SLC4A4: variants seen among roughly 807,000 people sequenced by gnomAD.
The protein encoded by SLC4A4 is solute carrier family 4 member 4, also known as electrogenic sodium bicarbonate cotransporter 1.
In SLC4A4, 27 loss-of-function variants were observed where a neutral mutation model predicts 111.5. The ratio of observed to expected loss-of-function variants is 0.24; its 90% CI spans 0.18 to 0.33. The LOEUF (loss-of-function observed/expected upper bound fraction) is 0.33, where lower values mean the gene tolerates loss of function less well. Among genes scored for constraint, SLC4A4 ranks in the 10% least tolerant of loss-of-function variants. SLC4A4 has a pLI of 1.00. For missense variants in SLC4A4, 909 were observed against 1,315.5 expected, an observed-to-expected ratio of 0.69 and a Z score of 4.78; for synonymous variants, 443 against 463.4, an observed-to-expected ratio of 0.96 and a Z score of 0.57.
intron 2 of SLC4A4, among the ~76,000 whole-genome samples, chr4:71,109,841 C>T (rs1483005882): frequency 6.6e-6 from 1 of 152,108 alleles, no homozygotes; most frequent in Non-Finnish European, 1.5e-5. Context: ...CCACACCCGG[C>T]AATTTTTCTA....
rs548628434 is a variant in SLC4A4 at position 71,425,343 on chromosome 4, A to G, written c.808-15273A>G. On this transcript the variant is annotated intron_variant, in intron 7 of 25. Coordinates refer to ENST00000264485, the MANE Select transcript of SLC4A4 (RefSeq NM_001098484.3). The stretch of plus-strand genomic sequence containing the variant: ...TGCTTCAGAATAGCCTCGCAGCAAA[A>G]CAGGCTGGTGGTTGTACTAGGCTTG... Among the ~76,000 whole-genome samples, 7 of 152,246 alleles carry G rather than the reference A, an allele frequency of 4.6e-5. No homozygotes were observed. In the South Asian group the frequency reaches 1.5e-3, roughly 32 times the overall value.
chr4:71,205,790 A>G (rs971396161), intron 1 of SLC4A4, among the ~76,000 whole-genome samples: 2 of 152,082 alleles, frequency 1.3e-5, no homozygotes, highest in African/African-American at 4.8e-5. Context: ...CAGAAAGATC[A>G]GAAAGTGCAA....
intron 6 of SLC4A4, among the ~76,000 whole-genome samples, chr4:71,359,305 A>G (rs957887931): frequency 6.6e-6 from 1 of 152,216 alleles, no homozygotes; most frequent in Non-Finnish European, 1.5e-5. Context: ...TAGGAAGGGT[A>G]TGCAGTTCTT....
At chr4:71,424,838 T>C (rs1214488917) in intron 7 of SLC4A4, among the ~76,000 whole-genome samples, 1 of 151,802 alleles carries the variant, frequency 6.6e-6, no homozygotes, top group Non-Finnish European at 1.5e-5. Context: ...GTGGGGACTG[T>C]TGTGGAGTGG....
At chr4:71,361,921 T>A (rs924315793) in intron 6 of SLC4A4, among the ~76,000 whole-genome samples, 1 of 152,218 alleles carries the variant, frequency 6.6e-6, no homozygotes, top group Admixed American at 6.5e-5. Flanking sequence ...AACAACTGCA[T>A]TTTAAAAAGT....
intron 1 of SLC4A4, among the ~76,000 whole-genome samples, chr4:71,068,722 C>G (rs1429100540): frequency 6.6e-6 from 1 of 152,008 alleles, no homozygotes; most frequent in Non-Finnish European, 1.5e-5. Context: ...CCACCACACC[C>G]AGCTAATTTT....
chr4:71,442,473 T>C (rs1488179537), intron 8 of SLC4A4, among the ~76,000 whole-genome samples: 4 of 152,204 alleles, frequency 2.6e-5, no homozygotes, highest in Non-Finnish European at 5.9e-5. Context: ...TCCTCTGAAC[T>C]AGTACAAGCC....
intron 19 of SLC4A4, 52 bp from the exon 20 acceptor site, chr4:71,547,596 G>A: frequency 1.4e-6 from 2 of 1,415,636 alleles, no homozygotes; most frequent in East Asian, 2.3e-5. Context: ...AAAGACAAGA[G>A]CATGTTTATG....
intron 6 of SLC4A4, among the ~76,000 whole-genome samples, chr4:71,391,659 A>T (rs1719283099): frequency 6.6e-6 from 1 of 152,098 alleles, no homozygotes; most frequent in Non-Finnish European, 1.5e-5. Context: ...TCTTATGGCC[A>T]GAAAATAGTG....
chr4:71,496,764 C>A (rs772736889), intron 15 of SLC4A4, among the ~76,000 whole-genome samples: 8 of 151,986 alleles, frequency 5.3e-5, no homozygotes, highest in African/African-American at 9.7e-5. Context: ...CCCACAACAG[C>A]CATACATGAA....
chr4:71,262,582 CAA>C (rs1721942181), intron 3 of SLC4A4, among the ~76,000 whole-genome samples: 1 of 152,116 alleles, frequency 6.6e-6, no homozygotes, highest in Admixed American at 6.5e-5. Context: ...GTTTTTCCTT[CAA>C]AGTTTCTCTT....
intron 3 of SLC4A4, among the ~76,000 whole-genome samples, chr4:71,281,702 C>T (rs1179253583): frequency 1.3e-5 from 2 of 152,164 alleles, no homozygotes; most frequent in Admixed American, 1.3e-4. Flanking sequence ...CTTTGGAATA[C>T]ATAACACAAC....
chr4:71,435,126 G>A (rs577599541), intron 7 of SLC4A4, among the ~76,000 whole-genome samples: 14 of 152,120 alleles, frequency 9.2e-5, no homozygotes, highest in Non-Finnish European at 1.9e-4. Context: ...AAAGAACAAA[G>A]CTGGAGGCAT....
chr4:71,569,732 ATTAAG>A lies in SLC4A4; in HGVS notation c.*1985_*1989del, dbSNP rs1172877208. ...TTGACTCCCACTCATTGTTATGTTA[ATTAAG>A]TTATTATTCTGTCTCCTTGTAATTT... is the stretch of plus-strand genomic sequence containing the variant. On this transcript the variant is annotated 3_prime_UTR_variant, in exon 26 of 26. Coordinates refer to ENST00000264485, the MANE Select transcript of SLC4A4 (RefSeq NM_001098484.3). The A allele has an allele frequency of 6.6e-6, 1 of 151,654 alleles. No individual in the cohort carries two copies. The highest frequency in any genetic ancestry group is 1.9e-4 in the East Asian group (1 of 5,140). The allele number at this position is 151,654 out of a possible 1,614,324, so 9.4% of individuals were successfully genotyped here. A position where few individuals can be genotyped will look rare whatever the true frequency, so the allele number is the denominator to read the frequency against.
intron 2 of SLC4A4, among the ~76,000 whole-genome samples, chr4:71,138,356 G>T (rs956254405): frequency 6.6e-6 from 1 of 152,084 alleles, no homozygotes. Flanking sequence ...TAAAGCACAG[G>T]TTCCAATCAA....
chr4:71,160,767 G>C (rs1744598048), intron 2 of SLC4A4, among the ~76,000 whole-genome samples: 1 of 151,894 alleles, frequency 6.6e-6, no homozygotes, highest in South Asian at 2.1e-4. Context: ...CCACCGAATA[G>C]AGTCAAAATA....
chr4:71,186,440 C>T (rs1329067980), upstream of SLC4A4, among the ~76,000 whole-genome samples: 1 of 152,230 alleles, frequency 6.6e-6, no homozygotes, highest in Non-Finnish European at 1.5e-5. Flanking sequence ...AGGCTCTCCC[C>T]ACTGGGGAAC....
At chr4:71,154,506 A>T (rs1388028485) in intron 2 of SLC4A4, among the ~76,000 whole-genome samples, 1 of 152,174 alleles carries the variant, frequency 6.6e-6, no homozygotes, top group Non-Finnish European at 1.5e-5. Flanking sequence ...ACAAGAGAGG[A>T]TGCAGTAAAG....
At chr4:71,342,681 G>T (rs191545254) in intron 4 of SLC4A4, among the ~76,000 whole-genome samples, 2 of 152,118 alleles carry the variant, frequency 1.3e-5, no homozygotes, top group Non-Finnish European at 2.9e-5. Context: ...TTTCATTTCA[G>T]TCAAATGCAG....
Sources: gnomAD v4.1 joint callset for allele counts (sites outside exome capture counted in the v4.1 genomes callset) on GRCh38, gnomAD v4.1.1 for gene constraint, MANE v1.5 for transcripts, NCBI Gene and HGNC (gene_info 2026-07-23, HGNC 2026-07-21) for gene names.